Variants in CDKN2B-AS1 observed in about 807,000 individuals in gnomAD.
CDKN2B-AS1 encodes the protein CDKN2B antisense RNA 1 (non-protein coding).
At chr9:22,094,712 G>A (rs1005135923) in intron 4 of CDKN2B-AS1, among the ~76,000 whole-genome samples, 1 of 143,870 alleles carries the variant, frequency 7.0e-6, no homozygotes, top group Admixed American at 6.7e-5. Context: ...TTAGCCATTT[G>A]TCTAATTTTT....
chr9:22,052,405 C>T (rs571648630), intron 3 of CDKN2B-AS1, among the ~76,000 whole-genome samples: 99 of 152,104 alleles, frequency 6.5e-4, no homozygotes, highest in Non-Finnish European at 1.3e-3. Flanking sequence ...AATGATAACA[C>T]GTTTCTACAA....
At chr9:22,069,503 C>G (rs1824200653) in intron 4 of CDKN2B-AS1, among the ~76,000 whole-genome samples, 1 of 152,046 alleles carries the variant, frequency 6.6e-6, no homozygotes, top group Non-Finnish European at 1.5e-5. Flanking sequence ...GAGAAACAGT[C>G]TTTCTTTTTT....
At chr9:22,065,154 C>T (rs1823985635) in intron 4 of CDKN2B-AS1, among the ~76,000 whole-genome samples, 1 of 152,162 alleles carries the variant, frequency 6.6e-6, no homozygotes, top group Non-Finnish European at 1.5e-5. Context: ...GGCATTCTTC[C>T]CTGGAGTTTG....
Position 22,006,160 on chromosome 9 carries a change from G to A in CDKN2B-AS1, n.29+10999G>A, listed in dbSNP as rs1415681248. 2 of 1,611,626 alleles carry A rather than the reference G, an allele frequency of 1.2e-6. No homozygotes were observed. The highest frequency in any genetic ancestry group is 1.7e-6 in the Non-Finnish European group (2 of 1,179,884). On this transcript the variant is annotated intron_variant and non_coding_transcript_variant, in intron 1 of 4. Transcript: ENST00000650946. The surrounding 1 kb of genome is among the most constrained non-coding windows in gnomAD (Gnocchi z 6.4). ...TCCCGGGCAGCATCATGCACCGGTC[G>A]GGTGAGAGTGGCAGGGTCTGCGCAG...
chr9:22,056,048 TC>T (rs1408802689), intron 3 of CDKN2B-AS1, among the ~76,000 whole-genome samples: 1 of 149,254 alleles, frequency 6.7e-6, no homozygotes, highest in Non-Finnish European at 1.5e-5. Flanking sequence ...GATTTTTTTT[TC>T]TTTTTTTTTT....
Position 22,063,222 on chromosome 9 carries a change from G to A in CDKN2B-AS1, n.438+6835G>A, listed in dbSNP as rs368779509. ...AAAGATGAGACAAGAAGAAAGCCTA[G>A]GGTAGCTCTGAGAACTTTGCTATTT... On this transcript the variant is annotated intron_variant and non_coding_transcript_variant, in intron 4 of 4. Transcript: ENST00000650946. Among the ~76,000 whole-genome samples the A allele has an allele frequency of 1.0e-3, 159 of 152,218 alleles. 5 individuals are homozygous for A. The South Asian group carries it at 0.033, about 31-fold the overall frequency.
intron 4 of CDKN2B-AS1, among the ~76,000 whole-genome samples, chr9:22,106,272 A>G (rs6475609): frequency 0.64 from 97,435 of 151,972 alleles, 33,345 homozygotes; most frequent in African/African-American, 0.9. Flanking sequence ...TAGTAAAGAT[A>G]GGGTTTCAGC....
At chr9:22,091,478 T>G (rs1191307779) in intron 4 of CDKN2B-AS1, among the ~76,000 whole-genome samples, 1 of 152,212 alleles carries the variant, frequency 6.6e-6, no homozygotes, top group Admixed American at 6.5e-5. Flanking sequence ...GTTCTTCCAT[T>G]TGTTTGTATC....
At position 22,006,034 on chromosome 9, in the gene CDKN2B-AS1, C is replaced by T. The variant is rs1195066970; in HGVS notation, n.29+10873C>T. 1.9e-6 allele frequency: 3 copies of T among 1,604,210 alleles called. No individual in the cohort carries two copies. In the Admixed American group the frequency reaches 5.0e-5, roughly 27 times the overall value. On this transcript the variant is annotated intron_variant and non_coding_transcript_variant, in intron 1 of 4. Transcript: ENST00000650946. The surrounding 1 kb of genome is among the most constrained non-coding windows in gnomAD (Gnocchi z 6.4). ...AGGTACCCTGCAACGTCGCGGTGGCCCCGCTCCTCGGCCAAGTCCACGGGC... is the reference window on the plus strand; with the variant it reads ...AGGTACCCTGCAACGTCGCGGTGGCTCCGCTCCTCGGCCAAGTCCACGGGC...
At chr9:22,045,654 C>T (rs1333033) in intron 1 of CDKN2B-AS1, among the ~76,000 whole-genome samples, 11,720 of 151,946 alleles carry the variant, frequency 0.077, 1,461 homozygotes, top group African/African-American at 0.26. Context: ...AATGCATAGG[C>T]TGCTCATGCT....
intron 4 of CDKN2B-AS1, among the ~76,000 whole-genome samples, chr9:22,082,198 C>G (rs149052418): frequency 6.6e-6 from 1 of 152,310 alleles, no homozygotes; most frequent in East Asian, 1.9e-4. Flanking sequence ...GCCTGTTGGT[C>G]TGGTTGTACT....
In CDKN2B-AS1 at chr9:22,092,913, G is replaced by A. The variant is rs1241375943; in HGVS notation, n.439-34190G>A. 2.6e-5 allele frequency among the ~76,000 whole-genome samples: 4 copies of A among 152,086 alleles called. No individual in the cohort carries two copies. In the East Asian group the frequency reaches 7.7e-4, roughly 29 times the overall value. ...CTTCTATAGTTCTTTTAATTGTGAT[G>A]TTAGGGTGTCAATTTTAGATCTTTG... On this transcript the variant is annotated intron_variant and non_coding_transcript_variant, in intron 4 of 4. Transcript: ENST00000650946.
Position 21,997,016 on chromosome 9 carries a change from T to A in CDKN2B-AS1, n.29+1855T>A, listed in dbSNP as rs61271866. On this transcript the variant is annotated intron_variant and non_coding_transcript_variant, in intron 1 of 4. Transcript: ENST00000650946. This position sits in a 1 kb window ranked among gnomAD's most constrained non-coding sequence, Gnocchi z 4.8. ...CCAGTACCACACATATGTATATGTATATACACACCGTCATGGGGTTGCTTA... is the reference window on the plus strand; with the variant it reads ...CCAGTACCACACATATGTATATGTAAATACACACCGTCATGGGGTTGCTTA... 0.19 allele frequency among the ~76,000 whole-genome samples: 29,617 copies of A among 152,122 alleles called. 3,781 individuals are homozygous for A. Among genetic ancestry groups the A allele is most frequent in the Non-Finnish European group, 0.28 (19,141 of 67,964 alleles).
chr9:22,106,961 G>A (rs760694527), intron 4 of CDKN2B-AS1, among the ~76,000 whole-genome samples: 6 of 152,146 alleles, frequency 3.9e-5, no homozygotes, highest in Non-Finnish European at 7.3e-5. Flanking sequence ...GACAGGATTC[G>A]AACCAAGGTA....
rs1587383587 is a variant in CDKN2B-AS1 at position 22,006,851 on chromosome 9, A to G, written n.29+11690A>G. 6.6e-6 allele frequency among the ~76,000 whole-genome samples: 1 copy of G among 152,026 alleles called. No homozygotes were observed. Among genetic ancestry groups the G allele is most frequent in the East Asian group, 1.9e-4 (1 of 5,200 alleles). On this transcript the variant is annotated intron_variant and non_coding_transcript_variant, in intron 1 of 4. Coordinates refer to ENST00000650946, the Ensembl canonical transcript of CDKN2B-AS1. This position sits in a 1 kb window ranked among gnomAD's most constrained non-coding sequence, Gnocchi z 6.4. The stretch of plus-strand genomic sequence containing the variant: ...GCTCATAACTGGCTTGTAGTGTGAT[A>G]ATTTGAGCCAAAGTTGGAGATTAGA...
intron 3 of CDKN2B-AS1, among the ~76,000 whole-genome samples, chr9:22,054,048 G>A (rs1823459834): frequency 6.6e-6 from 1 of 152,090 alleles, no homozygotes; most frequent in Admixed American, 6.5e-5. Flanking sequence ...CTGCAAAACG[G>A]AAATTATAAT....
At chr9:22,042,901 A>G (rs1415903297) in intron 1 of CDKN2B-AS1, among the ~76,000 whole-genome samples, 4 of 152,096 alleles carry the variant, frequency 2.6e-5, no homozygotes, top group African/African-American at 9.7e-5. Flanking sequence ...TGACTGAGTG[A>G]TGTGTTTTCA....
chr9:22,012,505 C>T (rs1821555286), intron 1 of CDKN2B-AS1: 2 of 663,200 alleles, frequency 3.0e-6, no homozygotes, highest in Admixed American at 1.8e-5. Context: ...AGTGTGGCCA[C>T]ACCAACAACC....
chr9:22,094,161 C>T (rs1473090787), intron 4 of CDKN2B-AS1, among the ~76,000 whole-genome samples: 1 of 144,512 alleles, frequency 6.9e-6, no homozygotes, highest in Non-Finnish European at 1.5e-5. Context: ...TCTCTTCTGG[C>T]TTGTAGAGTT....
Sources: gnomAD v4.1 joint callset for allele counts (sites outside exome capture counted in the v4.1 genomes callset) on GRCh38, gnomAD v4.1.1 for gene constraint, Gnocchi (gnomAD v3.1) non-coding constraint, MANE v1.5 for transcripts, NCBI Gene and HGNC (gene_info 2026-07-23, HGNC 2026-07-21) for gene names.